LTBP1: variants seen among roughly 807,000 people sequenced by gnomAD.
LTBP1 encodes the protein latent-transforming growth factor beta-binding protein 1.
A neutral mutation model predicts 207.6 loss-of-function variants in LTBP1; 129 were observed. That is an observed-to-expected ratio of 0.62 (90% CI 0.54 to 0.72). The LOEUF (loss-of-function observed/expected upper bound fraction) is 0.72. LTBP1 is among the 30% of genes least tolerant of loss of function. The probability of loss-of-function intolerance (pLI) is 0.00; values close to 1 mark genes in which losing one functional copy is unlikely to be tolerated. For missense variants in LTBP1, 2,281 were observed against 2,217.2 expected (o/e 1.03, Z -0.58); for synonymous variants, 963 against 833.7 (o/e 1.16, Z -2.67).
chr2:33,310,253 G>A (rs893487759), intron 23 of LTBP1, among the ~76,000 whole-genome samples: 1 of 152,082 alleles, frequency 6.6e-6, no homozygotes, highest in Non-Finnish European at 1.5e-5. Flanking sequence ...GCTCACCATT[G>A]CTTTTTCTCT....
intron 15 of LTBP1, among the ~76,000 whole-genome samples, chr2:33,268,570 G>A (rs140118342): frequency 2.0e-4 from 31 of 152,300 alleles, no homozygotes; most frequent in African/African-American, 6.0e-4. Flanking sequence ...TTGGTGGCTC[G>A]CAACATTATT....
Position 33,134,710 on chromosome 2 carries a change from G to A in LTBP1, c.1034-83G>A. ...TTGCTCCTTTCTTTTCTTTTTTTCT[G>A]TTTTTTTAAACCTTCCAAGGCAAGT... On this transcript the variant is annotated intron_variant, in intron 4 of 33. Coordinates refer to ENST00000404816, the MANE Select transcript of LTBP1 (RefSeq NM_206943.4). The surrounding 1 kb of genome is among the most constrained non-coding windows in gnomAD (Gnocchi z 4.4). The A allele has an allele frequency of 6.2e-7, 1 of 1,604,550 alleles. No homozygotes were observed. The highest frequency in any genetic ancestry group is 8.5e-7 in the Non-Finnish European group (1 of 1,177,242).
intron 3 of LTBP1, among the ~76,000 whole-genome samples, chr2:33,051,679 G>A (rs969089808): frequency 6.6e-6 from 1 of 152,166 alleles, no homozygotes; most frequent in Non-Finnish European, 1.5e-5. Flanking sequence ...TGCTTGTGTT[G>A]CCAAGTTGTG....
At chr2:32,991,700 T>G (rs1324393613) in intron 2 of LTBP1, among the ~76,000 whole-genome samples, 1 of 152,158 alleles carries the variant, frequency 6.6e-6, no homozygotes, top group Non-Finnish European at 1.5e-5. Context: ...GAGGGATGGC[T>G]TTAGAATTCT....
At chr2:33,041,165 C>T (rs889376312) in intron 3 of LTBP1, among the ~76,000 whole-genome samples, 4 of 152,212 alleles carry the variant, frequency 2.6e-5, no homozygotes, top group Admixed American at 6.5e-5. Flanking sequence ...CATAGCCCAC[C>T]GAGTAGAGTC....
chr2:33,352,088 C>T (rs2094789414), intron 26 of LTBP1, among the ~76,000 whole-genome samples: 1 of 152,072 alleles, frequency 6.6e-6, no homozygotes, highest in Admixed American at 6.6e-5. Flanking sequence ...GTTATTCAAA[C>T]CTAAATTAAT....
intron 2 of LTBP1, among the ~76,000 whole-genome samples, chr2:33,001,559 T>C (rs1234832154): frequency 7.4e-6 from 1 of 134,852 alleles, no homozygotes; most frequent in Non-Finnish European, 1.6e-5. Flanking sequence ...TTAAAATATA[T>C]GAGGAGAAGA....
At chr2:33,120,967 G>A (rs2081074474) in intron 4 of LTBP1, among the ~76,000 whole-genome samples, 1 of 152,154 alleles carries the variant, frequency 6.6e-6, no homozygotes, top group Non-Finnish European at 1.5e-5. Context: ...AGCATGGTAT[G>A]CAAGTCAGGA....
Position 33,388,138 on chromosome 2 carries a change from GA to G in LTBP1, c.4712-1042del, listed in dbSNP as rs1210542389. On this transcript the variant is annotated intron_variant, in intron 31 of 33. Transcript: ENST00000404816. ...AATGTAGACAAGAGCCTGGGATCAT[GA>G]AAAGCATTGAAACCTCAGTAACCCC... Among the ~76,000 whole-genome samples the G allele has an allele frequency of 1.8e-4, 28 of 152,312 alleles. No homozygotes were observed. The East Asian group carries it at 5.2e-3, about 28-fold the overall frequency.
chr2:33,340,117 G>T (rs2094599520), intron 24 of LTBP1, among the ~76,000 whole-genome samples: 1 of 152,038 alleles, frequency 6.6e-6, no homozygotes, highest in Non-Finnish European at 1.5e-5. Flanking sequence ...AATTAGCCAG[G>T]CGTGGTGGCG....
intron 26 of LTBP1, among the ~76,000 whole-genome samples, chr2:33,351,137 T>C (rs2094776083): frequency 6.6e-6 from 1 of 152,204 alleles, no homozygotes; most frequent in South Asian, 2.1e-4. Flanking sequence ...TCTTTAAATA[T>C]CAGTTTTCGC....
At chr2:33,279,801 G>A (rs959828961) in intron 18 of LTBP1, among the ~76,000 whole-genome samples, 1 of 152,196 alleles carries the variant, frequency 6.6e-6, no homozygotes. Flanking sequence ...CCTGCTAGTT[G>A]AAGAATTGGG....
At chr2:33,261,583 G>T (rs1331680239) in intron 13 of LTBP1, among the ~76,000 whole-genome samples, 1 of 152,112 alleles carries the variant, frequency 6.6e-6, no homozygotes, top group East Asian at 1.9e-4. Flanking sequence ...AGAAAAAAGT[G>T]TCAATGGACG....
At chr2:33,048,643 C>T (rs2076570136) in intron 3 of LTBP1, among the ~76,000 whole-genome samples, 1 of 152,186 alleles carries the variant, frequency 6.6e-6, no homozygotes, top group South Asian at 2.1e-4. Flanking sequence ...TCCTGTGGTC[C>T]AGATGCCAGA....
intron 26 of LTBP1, among the ~76,000 whole-genome samples, chr2:33,353,838 T>C (rs922984637): frequency 1.3e-5 from 2 of 150,788 alleles, no homozygotes; most frequent in Non-Finnish European, 1.5e-5. Context: ...AGAGGTACAC[T>C]ACAGGTTTTG....
At chr2:33,331,609 T>C (rs1264061806) in intron 24 of LTBP1, among the ~76,000 whole-genome samples, 1 of 152,182 alleles carries the variant, frequency 6.6e-6, no homozygotes, top group Non-Finnish European at 1.5e-5. Context: ...AAATTTGTTA[T>C]GGCACAGAAT....
At chr2:33,075,515 G>T (rs1251020851) in intron 3 of LTBP1, among the ~76,000 whole-genome samples, 3 of 152,268 alleles carry the variant, frequency 2.0e-5, no homozygotes, top group Admixed American at 2.0e-4. Flanking sequence ...TCCTATCAAA[G>T]AAATTGATAT....
At chr2:33,173,375 A>G (rs187659808) in intron 5 of LTBP1, among the ~76,000 whole-genome samples, 2,830 of 152,140 alleles carry the variant, frequency 0.019, 91 homozygotes, top group African/African-American at 0.065. Context: ...TACTACAAAC[A>G]CCTCTACGCA....
chr2:33,093,813 TATCATCATC>T (rs549103792), intron 3 of LTBP1, among the ~76,000 whole-genome samples: 1 of 151,912 alleles, frequency 6.6e-6, no homozygotes, highest in African/African-American at 2.4e-5. Flanking sequence ...TGATGATGAT[TATCATCATC>T]ATCATCATCA....
Sources: gnomAD v4.1 joint callset for allele counts (sites outside exome capture counted in the v4.1 genomes callset) on GRCh38, gnomAD v4.1.1 for gene constraint, Gnocchi (gnomAD v3.1) non-coding constraint, MANE v1.5 for transcripts, NCBI Gene and HGNC (gene_info 2026-07-23, HGNC 2026-07-21) for gene names.